Variants in RGS8 observed in about 807,000 individuals in gnomAD.
RGS8 encodes regulator of G protein signaling 8.
RGS8 carries 8 observed loss-of-function variants against 21.7 expected under a neutral mutation model. The ratio of observed to expected loss-of-function variants is 0.37; its 90% confidence interval spans 0.22 to 0.66. The LOEUF is 0.66. Ranked by LOEUF, RGS8 falls within the 30% of genes least tolerant of loss-of-function variation. RGS8 has a pLI of 0.59. For synonymous variants in RGS8, 80 were observed against 83.6 expected, an observed-to-expected ratio of 0.96 and a Z score of 0.24; for missense variants, 157 against 217.9, an observed-to-expected ratio of 0.72 and a Z score of 1.76.
intron 2 of RGS8, among the ~76,000 whole-genome samples, chr1:182,670,319 G>A (rs1368194025): frequency 2.0e-5 from 3 of 152,214 alleles, no homozygotes; most frequent in African/African-American, 4.8e-5. Flanking sequence ...CTGAAGAAAC[G>A]AATATGCAAG....
the RGS8 span, among the ~76,000 whole-genome samples, chr1:182,700,965 A>T: frequency 6.6e-6 from 1 of 152,228 alleles, no homozygotes; most frequent in Non-Finnish European, 1.5e-5. Flanking sequence ...AAGCTTCCCC[A>T]TTGTAATGAA....
At chr1:182,657,244 A>G (rs2102419784) in intron 5 of RGS8, among the ~76,000 whole-genome samples, 2 of 151,974 alleles carry the variant, frequency 1.3e-5, no homozygotes, top group Middle Eastern at 3.4e-3. Context: ...CGAGCTTTTC[A>G]TCTGCTCCTT....
the RGS8 span, among the ~76,000 whole-genome samples, chr1:182,721,048 T>TATATATGTGTGTATATATACATATACAC: frequency 1.4e-5 from 1 of 70,750 alleles, no homozygotes; most frequent in African/African-American, 6.1e-5. Context: ...TACATATACA[T>TATATATGTGTGTATATATACATATACAC]ACATATATAT....
the RGS8 span, among the ~76,000 whole-genome samples, chr1:182,715,786 G>A: frequency 0.48 from 72,917 of 151,972 alleles, 18,395 homozygotes; most frequent in African/African-American, 0.65. Context: ...GGCTTTTCTC[G>A]GCAAGGAATA....
chr1:182,647,817 T>G (rs1662775696), intron 6 of RGS8, among the ~76,000 whole-genome samples: 1 of 152,226 alleles, frequency 6.6e-6, no homozygotes, highest in African/African-American at 2.4e-5. Flanking sequence ...CACATTTCAT[T>G]AAGCTATGCT....
chr1:182,655,377 C>T (rs1663224286), intron 5 of RGS8, among the ~76,000 whole-genome samples: 2 of 152,192 alleles, frequency 1.3e-5, no homozygotes, highest in African/African-American at 2.4e-5. Context: ...TAAGAAAAGT[C>T]ACTGAGGAAG....
At chr1:182,741,817 G>A in the RGS8 span, among the ~76,000 whole-genome samples, 1 of 115,162 alleles carries the variant, frequency 8.7e-6, no homozygotes, top group Non-Finnish European at 2.0e-5. Flanking sequence ...TCACTTCCCA[G>A]TAGGGGCGGC....
At chr1:182,682,215 G>A (rs1038114558) in intron 1 of RGS8, among the ~76,000 whole-genome samples, 4 of 152,204 alleles carry the variant, frequency 2.6e-5, no homozygotes, top group African/African-American at 9.6e-5. Context: ...ACAAATGTGA[G>A]TTTTGTTACT....
intron 5 of RGS8, among the ~76,000 whole-genome samples, chr1:182,665,417 T>C (rs1466367347): frequency 1.3e-5 from 2 of 152,208 alleles, no homozygotes; most frequent in Admixed American, 1.3e-4. Flanking sequence ...AAAGGAAGGA[T>C]AGCAGAAGTT....
intron 1 of RGS8, among the ~76,000 whole-genome samples, chr1:182,681,612 T>C (rs948407019): frequency 9.2e-5 from 14 of 152,172 alleles, no homozygotes; most frequent in African/African-American, 2.9e-4. Context: ...TCTGGGACTC[T>C]GGGGACAGTT....
upstream of RGS8, chr1:182,672,936 A>G (rs1234757884): frequency 3.1e-6 from 4 of 1,278,624 alleles, no homozygotes; most frequent in South Asian, 1.2e-5. Context: ...GCATCACCTG[A>G]GAAGTATCAG....
the RGS8 span, among the ~76,000 whole-genome samples, chr1:182,695,512 G>A: frequency 6.6e-6 from 1 of 152,202 alleles, no homozygotes; most frequent in South Asian, 2.1e-4. Flanking sequence ...TTAAGAGGTA[G>A]GGTCTTCCTA....
At chr1:182,752,327 C>A in the RGS8 span, among the ~76,000 whole-genome samples, 2 of 152,150 alleles carry the variant, frequency 1.3e-5, no homozygotes, top group African/African-American at 4.8e-5. Flanking sequence ...CAAGACCCGG[C>A]CACAGACGAG....
At chr1:182,703,692 T>G in the RGS8 span, among the ~76,000 whole-genome samples, 1 of 152,236 alleles carries the variant, frequency 6.6e-6, no homozygotes, top group African/African-American at 2.4e-5. Flanking sequence ...TTGAAAGTCA[T>G]TTAAATTTGC....
chr1:182,737,453 G>A, the RGS8 span, among the ~76,000 whole-genome samples: 3 of 152,064 alleles, frequency 2.0e-5, no homozygotes, highest in African/African-American at 4.8e-5. Flanking sequence ...CCAATAGGAG[G>A]TAGTTGAATC....
At chr1:182,725,333 A>G in the RGS8 span, among the ~76,000 whole-genome samples, 2 of 152,196 alleles carry the variant, frequency 1.3e-5, no homozygotes, top group African/African-American at 4.8e-5. Flanking sequence ...CAGACCCCTA[A>G]ATATAACAGA....
chr1:182,740,560 T>TG, the RGS8 span, among the ~76,000 whole-genome samples: 2 of 143,740 alleles, frequency 1.4e-5, no homozygotes, highest in Non-Finnish European at 3.0e-5. Context: ...TTTTTTTTTT[T>TG]TTTTTTTTTT....
At chr1:182,733,729 A>C in the RGS8 span, 1 of 152,310 alleles carries the variant, frequency 6.6e-6, no homozygotes, top group Non-Finnish European at 1.5e-5. Context: ...AGGCAGACCC[A>C]ATTCCATCCA....
the RGS8 span, among the ~76,000 whole-genome samples, chr1:182,715,929 T>A: frequency 3.3e-5 from 5 of 152,164 alleles, no homozygotes; most frequent in African/African-American, 1.2e-4. Flanking sequence ...CCAAGGAGGA[T>A]AGGTTCTTTC....
Sources: gnomAD v4.1 joint callset for allele counts (sites outside exome capture counted in the v4.1 genomes callset) on GRCh38, gnomAD v4.1.1 for gene constraint, MANE v1.5 for transcripts, NCBI Gene and HGNC (gene_info 2026-07-23, HGNC 2026-07-21) for gene names.